The following PDE7B variants were observed in gnomAD, a reference collection of about 807,000 sequenced individuals.
The protein encoded by PDE7B is 3',5'-cyclic-AMP phosphodiesterase 7B.
A neutral mutation model predicts 56.2 loss-of-function variants in PDE7B; 29 were observed. That is an observed-to-expected ratio of 0.52 (90% CI 0.38 to 0.70). The LOEUF (loss-of-function observed/expected upper bound fraction) is 0.70. Among genes scored for constraint, PDE7B ranks in the 30% least tolerant of loss-of-function variants. The pLI is 0.00. For missense variants in PDE7B, 490 were observed against 565.0 expected, an observed-to-expected ratio of 0.87 and a Z score of 1.35; for synonymous variants, 197 against 196.9, an observed-to-expected ratio of 1.00 and a Z score of 0.00.
At chr6:136,188,809 T>A in intron 12 of PDE7B, among the ~76,000 whole-genome samples, 1 of 152,188 alleles carries the variant, frequency 6.6e-6, no homozygotes, top group Non-Finnish European at 1.5e-5. Flanking sequence ...AGGGAAATCC[T>A]ATGGATGCTA....
At chr6:135,924,044 T>C (rs1218288036) in intron 1 of PDE7B, among the ~76,000 whole-genome samples, 1 of 152,178 alleles carries the variant, frequency 6.6e-6, no homozygotes, top group Non-Finnish European at 1.5e-5. Context: ...TTTTTAAATG[T>C]AAAAACAATT....
intron 1 of PDE7B, among the ~76,000 whole-genome samples, chr6:135,887,900 C>G (rs532741841): frequency 6.6e-6 from 1 of 152,208 alleles, no homozygotes. Flanking sequence ...TTTAGATTCC[C>G]CTGTAATCCA....
intron 2 of PDE7B, among the ~76,000 whole-genome samples, chr6:135,967,852 C>T (rs572693856): frequency 4.5e-4 from 68 of 152,286 alleles, no homozygotes; most frequent in Admixed American, 9.2e-4. Flanking sequence ...AAGGGGCCAG[C>T]GCCACTTGGG....
chr6:136,065,771 G>A (rs1776924070), intron 2 of PDE7B, among the ~76,000 whole-genome samples: 1 of 152,108 alleles, frequency 6.6e-6, no homozygotes, highest in East Asian at 1.9e-4. Context: ...GTTTATTCTG[G>A]ATTTTTCAAA....
intron 1 of PDE7B, among the ~76,000 whole-genome samples, chr6:135,875,524 G>A (rs1775476003): frequency 6.6e-6 from 1 of 152,040 alleles, no homozygotes; most frequent in African/African-American, 2.4e-5. Context: ...AACTGTTATT[G>A]TTATATATAT....
chr6:136,087,332 A>C lies in PDE7B; in HGVS notation c.83-21399A>C, dbSNP rs118137242. 4.9e-4 allele frequency among the ~76,000 whole-genome samples: 74 copies of C among 152,338 alleles called. No individual in the cohort carries two copies. The East Asian group carries it at 9.1e-3, about 19-fold the overall frequency. On this transcript the variant is annotated intron_variant, in intron 2 of 12. Coordinates refer to ENST00000308191, the MANE Select transcript of PDE7B (RefSeq NM_018945.4). The stretch of plus-strand genomic sequence containing the variant: ...GAAGTTTTGGCTAATAAAAAATAGT[A>C]CCTCAAAATACCTGCACAATGACAG...
chr6:136,137,413 G>T, intron 3 of PDE7B, among the ~76,000 whole-genome samples: 1 of 152,092 alleles, frequency 6.6e-6, no homozygotes, highest in African/African-American at 2.4e-5. Flanking sequence ...TTGGACTGAT[G>T]CTCGAAAGTG....
chr6:135,995,329 A>G (rs772058731), intron 2 of PDE7B, among the ~76,000 whole-genome samples: 5 of 152,208 alleles, frequency 3.3e-5, no homozygotes, highest in South Asian at 2.1e-4. Context: ...GTGTGTATCA[A>G]TAGAAATGTG....
intron 3 of PDE7B, 44 bp from the exon 4 acceptor site, chr6:136,147,307 C>G (rs778042419): frequency 8.6e-6 from 12 of 1,393,706 alleles, no homozygotes; most frequent in Non-Finnish European, 1.2e-5. Context: ...AAAATTGGCT[C>G]TCTTTTAAAT....
intron 2 of PDE7B, among the ~76,000 whole-genome samples, chr6:136,052,624 C>CA (rs571515121): frequency 2.2e-3 from 322 of 148,820 alleles, no homozygotes; most frequent in African/African-American, 7.3e-3. Flanking sequence ...ACAGCCCCCC[C>CA]CCACCCACAG....
intron 1 of PDE7B, among the ~76,000 whole-genome samples, chr6:135,874,714 A>G (rs1166690055): frequency 6.6e-6 from 1 of 152,212 alleles, no homozygotes; most frequent in African/African-American, 2.4e-5. Flanking sequence ...GGAAACAGTG[A>G]TTATATGTAG....
At chr6:136,002,064 G>T (rs1214404489) in intron 2 of PDE7B, among the ~76,000 whole-genome samples, 1 of 152,182 alleles carries the variant, frequency 6.6e-6, no homozygotes, top group African/African-American at 2.4e-5. Flanking sequence ...TTAAAGAAAA[G>T]AATCTTCAAC....
chr6:135,871,940 A>G (rs1488603586), intron 1 of PDE7B, among the ~76,000 whole-genome samples: 2 of 152,220 alleles, frequency 1.3e-5, no homozygotes, highest in Admixed American at 6.5e-5. Context: ...GAAACTATGA[A>G]TGGCAGGACT....
At chr6:136,100,722 A>C (rs913473900) in intron 2 of PDE7B, among the ~76,000 whole-genome samples, 2 of 152,190 alleles carry the variant, frequency 1.3e-5, no homozygotes, top group African/African-American at 4.8e-5. Context: ...AAACAGAGAC[A>C]ATTTGACTTC....
intron 2 of PDE7B, among the ~76,000 whole-genome samples, chr6:136,078,805 A>G (rs1396751476): frequency 6.6e-6 from 1 of 152,202 alleles, no homozygotes; most frequent in East Asian, 1.9e-4. Context: ...CTATACACTC[A>G]TAAAATAGCC....
At chr6:136,001,332 G>A (rs569330038) in intron 2 of PDE7B, among the ~76,000 whole-genome samples, 39 of 152,308 alleles carry the variant, frequency 2.6e-4, no homozygotes, top group African/African-American at 8.9e-4. Flanking sequence ...CACCAGCAAC[G>A]GAACAAAGCT....
At chr6:135,917,926 C>T (rs1773988376) in intron 1 of PDE7B, among the ~76,000 whole-genome samples, 1 of 152,184 alleles carries the variant, frequency 6.6e-6, no homozygotes, top group African/African-American at 2.4e-5. Context: ...TTGGCCAGAA[C>T]TCTTGTGACT....
intron 1 of PDE7B, among the ~76,000 whole-genome samples, chr6:135,921,246 A>T (rs952769676): frequency 2.0e-5 from 3 of 152,190 alleles, no homozygotes; most frequent in Non-Finnish European, 4.4e-5. Flanking sequence ...CAGCATGCAG[A>T]TGACAAGGGT....
chr6:135,937,272 C>CG (rs1774437223), intron 1 of PDE7B, among the ~76,000 whole-genome samples: 1 of 152,164 alleles, frequency 6.6e-6, no homozygotes, highest in Non-Finnish European at 1.5e-5. Context: ...CTGTGAGCTG[C>CG]GGGGCCTTCT....
Sources: gnomAD v4.1 joint callset for allele counts (sites outside exome capture counted in the v4.1 genomes callset) on GRCh38, gnomAD v4.1.1 for gene constraint, MANE v1.5 for transcripts, NCBI Gene and HGNC (gene_info 2026-07-23, HGNC 2026-07-21) for gene names.